FBXO31: variants seen among roughly 807,000 people sequenced by gnomAD.
The protein encoded by FBXO31 is F-box protein 31.
In FBXO31, 24 loss-of-function variants were observed where a neutral mutation model predicts 54.4. The ratio of observed to expected loss-of-function variants is 0.44; its 90% CI spans 0.32 to 0.62. FBXO31 has a LOEUF of 0.62. Among genes scored for constraint, FBXO31 ranks in the 20% least tolerant of loss-of-function variants. FBXO31 has a pLI of 0.05. For missense variants in FBXO31, 665 were observed against 787.1 expected (o/e 0.84, Z 1.86); for synonymous variants, 388 against 335.6 (o/e 1.16, Z -1.71).
chr16:87,376,784 C>T (rs1182579752), intron 1 of FBXO31, among the ~76,000 whole-genome samples: 2 of 152,236 alleles, frequency 1.3e-5, no homozygotes, highest in Non-Finnish European at 2.9e-5. Context: ...AGCTCTGCTC[C>T]TCCTCACAAG....
In FBXO31 at chr16:87,348,510, C is replaced by G. The variant is rs141021824; in HGVS notation, c.413-1260G>C. On this transcript the variant is annotated intron_variant, in intron 2 of 8. Coordinates refer to ENST00000311635, the MANE Select transcript of FBXO31 (RefSeq NM_024735.5). ...GTAGAGCTTGAGGGTAGCAGCTGAT[C>G]TGGGGCATGGTCCCAGGAAGAAGGG... Among the ~76,000 whole-genome samples the G allele has an allele frequency of 3.3e-3, 497 of 152,292 alleles. 3 individuals carry two copies. The highest frequency in any genetic ancestry group is 0.012 in the African/African-American group (480 of 41,548).
At position 87,345,785 on chromosome 16, in the gene FBXO31, C is replaced by T. The variant is rs1180699404; in HGVS notation, c.489+1389G>A. Among the ~76,000 whole-genome samples, 1 of 152,218 alleles carries T rather than the reference C, an allele frequency of 6.6e-6. No individual in the cohort carries two copies. The highest frequency in any genetic ancestry group is 1.9e-4 in the East Asian group (1 of 5,190). Reference sequence around the variant, plus strand: ...GCTGAGAGGCGAGGGGCAGGGCCTTCTCCCCCCTTCCTGAGGCCACTGACC... The same window carrying T: ...GCTGAGAGGCGAGGGGCAGGGCCTTTTCCCCCCTTCCTGAGGCCACTGACC... On this transcript the variant is annotated intron_variant, in intron 3 of 8. Transcript: ENST00000311635. This position sits in a 1 kb window ranked among gnomAD's most constrained non-coding sequence, Gnocchi z 4.9.
chr16:87,356,556 C>A (rs1167067720), intron 2 of FBXO31, among the ~76,000 whole-genome samples: 1 of 152,186 alleles, frequency 6.6e-6, no homozygotes, highest in Admixed American at 6.5e-5. Context: ...GTGCTGTTAG[C>A]AGGCGTGTAA....
In FBXO31 at chr16:87,346,219, G is replaced by A. The variant is rs193067420; in HGVS notation, c.489+955C>T. Among the ~76,000 whole-genome samples, 127 of 152,228 alleles carry A rather than the reference G, an allele frequency of 8.3e-4. No individual in the cohort carries two copies. The highest frequency in any genetic ancestry group is 1.8e-3 in the African/African-American group (75 of 41,552). ...AGACGCGCGCATACCCCGGGCCTGCGCAGAGCAGGTGCCCTGACTCCACTT... is the reference window on the plus strand; with the variant it reads ...AGACGCGCGCATACCCCGGGCCTGCACAGAGCAGGTGCCCTGACTCCACTT... On this transcript the variant is annotated intron_variant, in intron 3 of 8. Coordinates refer to ENST00000311635, the MANE Select transcript of FBXO31 (RefSeq NM_024735.5). This position sits in a 1 kb window ranked among gnomAD's most constrained non-coding sequence, Gnocchi z 4.2.
chr16:87,387,638 T>A (rs1051420218), upstream of FBXO31, among the ~76,000 whole-genome samples: 4 of 152,190 alleles, frequency 2.6e-5, no homozygotes, highest in Admixed American at 2.6e-4. Context: ...AAACCCCGTC[T>A]CTACTAAAAG....
Position 87,346,880 on chromosome 16 carries a change from C to T in FBXO31, c.489+294G>A, listed in dbSNP as rs569999009. Among the ~76,000 whole-genome samples, 1 of 152,350 alleles carries T rather than the reference C, an allele frequency of 6.6e-6. No individual in the cohort carries two copies. Among genetic ancestry groups the T allele is most frequent in the South Asian group, 2.1e-4 (1 of 4,824 alleles). ...GAGGGCGGGCTCCAGACCCCGCCAACATGTGCGCGATGGGCCTCAGCGTCC... is the reference window on the plus strand; with the variant it reads ...GAGGGCGGGCTCCAGACCCCGCCAATATGTGCGCGATGGGCCTCAGCGTCC... On this transcript the variant is annotated intron_variant, in intron 3 of 8. Transcript: ENST00000311635. This position sits in a 1 kb window ranked among gnomAD's most constrained non-coding sequence, Gnocchi z 4.2.
At chr16:87,370,991 T>C (rs74038756) in intron 1 of FBXO31, among the ~76,000 whole-genome samples, 14,859 of 152,166 alleles carry the variant, frequency 0.098, 2,437 homozygotes, top group African/African-American at 0.34. Context: ...GCGCCCCAAC[T>C]GCGGCCCGGC....
At chr16:87,370,599 G>C (rs1258441027) in intron 1 of FBXO31, among the ~76,000 whole-genome samples, 1 of 152,176 alleles carries the variant, frequency 6.6e-6, no homozygotes, top group Non-Finnish European at 1.5e-5. Flanking sequence ...TGAGGAGGCA[G>C]TGGGGTGACC....
chr16:87,382,254 T>C (rs1253399783), intron 1 of FBXO31, among the ~76,000 whole-genome samples: 1 of 152,248 alleles, frequency 6.6e-6, no homozygotes, highest in Non-Finnish European at 1.5e-5. Flanking sequence ...TCTAAGAGAA[T>C]ATATATTGCA....
chr16:87,347,460 T>C (rs8059409), intron 2 of FBXO31, among the ~76,000 whole-genome samples: 93,575 of 151,924 alleles, frequency 0.62, 30,433 homozygotes, highest in East Asian at 0.73. Flanking sequence ...TTGGGCGGAT[T>C]ACAAGGTCAG....
chr16:87,383,712 GCCCA>G lies in FBXO31; in HGVS notation c.29_32del (p.Val10AlafsTer150). On this transcript the variant is annotated frameshift_variant, in exon 1 of 9. Transcript: ENST00000311635. LOFTEE classifies it high-confidence loss of function. The surrounding 1 kb of genome is among the most constrained non-coding windows in gnomAD (Gnocchi z 4.9). ...GGCGGCGCCGACATCCGCGCGACGG[GCCCA>G]CGCCGCAAAGGCGAGCACACACCGC... is the stretch of plus-strand genomic sequence containing the variant. The G allele has an allele frequency of 7.9e-7, 1 of 1,259,274 alleles. No individual in the cohort carries two copies. The allele number at this position is 1,259,274 out of a possible 1,614,324, so 78.0% of individuals were successfully genotyped here.
At chr16:87,383,801 C>T (rs1228206884), upstream of FBXO31, 4 of 1,130,410 alleles carry the variant, frequency 3.5e-6, no homozygotes, top group African/African-American at 6.6e-5. The surrounding 1 kb of genome is among the most constrained non-coding windows in gnomAD (Gnocchi z 4.9). Flanking sequence ...GCGGCCCCGC[C>T]CCGCCAGCGC....
intron 1 of FBXO31, among the ~76,000 whole-genome samples, chr16:87,379,821 CG>C (rs1249552989): frequency 6.6e-6 from 1 of 151,724 alleles, no homozygotes; most frequent in Non-Finnish European, 1.5e-5. Flanking sequence ...CTCCTGATCT[CG>C]GGTGATCTGC....
At chr16:87,363,532 A>T (rs1906228268) in intron 1 of FBXO31, among the ~76,000 whole-genome samples, 1 of 152,226 alleles carries the variant, frequency 6.6e-6, no homozygotes, top group Non-Finnish European at 1.5e-5. Context: ...AAAATTTGTC[A>T]ATGATAGAAT....
At chr16:87,382,045 T>C (rs1346321982) in intron 1 of FBXO31, among the ~76,000 whole-genome samples, 1 of 122,674 alleles carries the variant, frequency 8.2e-6, no homozygotes. Context: ...AAGAAGGAAG[T>C]GCATCCCACC....
chr16:87,389,128 T>C (rs1030542769), intron 1 of FBXO31, among the ~76,000 whole-genome samples: 4 of 151,690 alleles, frequency 2.6e-5, no homozygotes, highest in Non-Finnish European at 4.4e-5. Flanking sequence ...TTTATTTGTA[T>C]ATGAATGTAC....
At chr16:87,379,076 A>G (rs1277329417) in intron 1 of FBXO31, among the ~76,000 whole-genome samples, 1 of 152,178 alleles carries the variant, frequency 6.6e-6, no homozygotes, top group Non-Finnish European at 1.5e-5. Flanking sequence ...AAAATAAGCA[A>G]AAGAACTCTG....
At position 87,329,025 on chromosome 16, in the gene FBXO31, T is replaced by C. The variant is rs1488665393; in HGVS notation, c.*2263A>G. The C allele has an allele frequency of 6.6e-6, 1 of 152,262 alleles. No homozygotes were observed. Among genetic ancestry groups the C allele is most frequent in the African/African-American group, 2.4e-5 (1 of 41,452 alleles). 9.4% of individuals were successfully genotyped at this position (152,262 alleles called of 1,614,324 possible). On this transcript the variant is annotated 3_prime_UTR_variant, in exon 9 of 9. Coordinates refer to ENST00000311635, the MANE Select transcript of FBXO31 (RefSeq NM_024735.5). ...TGCCCTCCCCCGGAAGGGAAGCTGC[T>C]GTTTTGAGGCGCGCAGATTCAGTGC... is the stretch of plus-strand genomic sequence containing the variant.
chr16:87,364,085 T>C (rs370910199), intron 1 of FBXO31, among the ~76,000 whole-genome samples: 10 of 152,242 alleles, frequency 6.6e-5, no homozygotes, highest in African/African-American at 2.2e-4. Context: ...ATTATAATCT[T>C]ATTTTGGTTA....
Sources: gnomAD v4.1 joint callset for allele counts (sites outside exome capture counted in the v4.1 genomes callset) on GRCh38, gnomAD v4.1.1 for gene constraint, Gnocchi (gnomAD v3.1) non-coding constraint, MANE v1.5 for transcripts, NCBI Gene and HGNC (gene_info 2026-07-23, HGNC 2026-07-21) for gene names.